The following TVP23C variants were observed in gnomAD, a reference collection of about 807,000 sequenced individuals.
TVP23C encodes Golgi apparatus membrane protein TVP23 homolog C.
TVP23C carries 19 observed loss-of-function variants against 28.7 expected under a neutral mutation model. The observed-to-expected ratio is 0.66, with a 90% CI of 0.46 to 0.97. The LOEUF (loss-of-function observed/expected upper bound fraction) is 0.97, where lower values mean the gene tolerates loss of function less well. Among genes scored for constraint, TVP23C ranks in the 50% least tolerant of loss-of-function variants. TVP23C has a pLI of 0.00. For synonymous variants in TVP23C, 68 were observed against 81.7 expected (o/e 0.83, Z 0.90); for missense variants, 186 against 241.3 (o/e 0.77, Z 1.52).
chr17:15,518,320 A>G (rs1982321805), intron 5 of TVP23C, among the ~76,000 whole-genome samples: 1 of 152,130 alleles, frequency 6.6e-6, no homozygotes, highest in South Asian at 2.1e-4. Flanking sequence ...TCTACCCTAT[A>G]TGGTTGCAAT....
intron 3 of TVP23C, among the ~76,000 whole-genome samples, chr17:15,552,031 A>C (rs1003980206): frequency 1.3e-5 from 2 of 149,598 alleles, no homozygotes; most frequent in African/African-American, 5.1e-5. Flanking sequence ...AAAAATAAAC[A>C]AACAAATAAA....
intron 5 of TVP23C, among the ~76,000 whole-genome samples, chr17:15,522,946 A>C (rs190081460): frequency 6.6e-6 from 1 of 152,268 alleles, no homozygotes; most frequent in Non-Finnish European, 1.5e-5. Context: ...GATTCCCTCT[A>C]AAAAGAACAA....
chr17:15,517,241 T>G (rs1982269049), intron 5 of TVP23C, among the ~76,000 whole-genome samples: 1 of 152,188 alleles, frequency 6.6e-6, no homozygotes, highest in Non-Finnish European at 1.5e-5. Context: ...TCCCACTCAA[T>G]TTCATAGCCC....
chr17:15,517,992 C>G (rs1234522217), intron 5 of TVP23C, among the ~76,000 whole-genome samples: 5 of 152,012 alleles, frequency 3.3e-5, no homozygotes, highest in Non-Finnish European at 2.9e-5. Flanking sequence ...CTGTGAAACC[C>G]TGTCTCTACT....
intron 3 of TVP23C, among the ~76,000 whole-genome samples, chr17:15,549,471 G>A (rs573502012): frequency 2.0e-5 from 3 of 152,190 alleles, no homozygotes; most frequent in Admixed American, 2.0e-4. Flanking sequence ...TGGCTCACTT[G>A]GGTTCAAGAC....
At chr17:15,555,510 T>C in intron 1 of TVP23C, 146 bp from the exon 2 acceptor site, 1 of 1,330,918 alleles carries the variant, frequency 7.5e-7, no homozygotes, top group Non-Finnish European at 1.0e-6. Flanking sequence ...AAAGGACACA[T>C]GCAGATCCTC....
chr17:15,519,347 CTG>C (rs2150834341), intron 5 of TVP23C, among the ~76,000 whole-genome samples: 1 of 152,202 alleles, frequency 6.6e-6, no homozygotes, highest in Admixed American at 6.5e-5. Flanking sequence ...TGGCTGCTGA[CTG>C]TAATCCCAGA....
At chr17:15,561,626 GAATGAATAAATA>G (rs1289446496) in intron 1 of TVP23C, among the ~76,000 whole-genome samples, 2,459 of 126,726 alleles carry the variant, frequency 0.019, 15 homozygotes, top group African/African-American at 0.065. Flanking sequence ...ATGAATGAAT[GAATGAATAAATA>G]AATAAATAAA....
chr17:15,547,261 A>C, intron 3 of TVP23C, 113 bp from the exon 4 acceptor site: 1 of 1,482,078 alleles, frequency 6.7e-7, no homozygotes, highest in East Asian at 2.3e-5. Context: ...CTTTACCTCC[A>C]TAATATCCAG....
chr17:15,541,034 G>A (rs940441209), intron 5 of TVP23C, among the ~76,000 whole-genome samples: 2 of 152,192 alleles, frequency 1.3e-5, no homozygotes, highest in African/African-American at 4.8e-5. Context: ...CTGGCTTCTG[G>A]TAGAGGGGAT....
chr17:15,502,704 G>GTTCT (rs1286180730), exon 6 of TVP23C: 1 of 1,194,232 alleles, frequency 8.4e-7, no homozygotes, highest in Non-Finnish European at 1.1e-6. Context: ...CTGTTCGTTC[G>GTTCT]TTCTTTCTCT....
At chr17:15,548,429 T>A (rs1264927553) in intron 3 of TVP23C, among the ~76,000 whole-genome samples, 2 of 152,222 alleles carry the variant, frequency 1.3e-5, no homozygotes, top group Non-Finnish European at 2.9e-5. Flanking sequence ...CCTCCCAAAG[T>A]GCTGGGATTA....
downstream of TVP23C, among the ~76,000 whole-genome samples, chr17:15,532,526 G>T (rs1299260293): frequency 6.6e-6 from 1 of 152,280 alleles, no homozygotes; most frequent in African/African-American, 2.4e-5. Context: ...GAAGAAAATG[G>T]GGACAGGACA....
At position 15,539,954 on chromosome 17, in the gene TVP23C, G is replaced by A. The variant is rs151068598; in HGVS notation, c.*458C>T. 244 of 473,668 alleles carry A rather than the reference G, an allele frequency of 5.2e-4. 2 individuals carry two copies. Among genetic ancestry groups the A allele is most frequent in the African/African-American group, 4.6e-3 (217 of 46,952 alleles). 29.3% of individuals were successfully genotyped at this position (473,668 alleles called of 1,614,324 possible). ...TGAAAATACAAAAAATTAGCTGGGC[G>A]TGGTGGCATGCGCCTGTAATCCCAG... On this transcript the variant is annotated 3_prime_UTR_variant, in exon 6 of 6. Coordinates refer to ENST00000518321, the MANE Select transcript of TVP23C (RefSeq NM_001135036.2).
intron 4 of TVP23C, among the ~76,000 whole-genome samples, chr17:15,546,387 G>T (rs1983648309): frequency 6.6e-6 from 1 of 152,034 alleles, no homozygotes; most frequent in Admixed American, 6.6e-5. Flanking sequence ...TTACAAGGGT[G>T]GTAAGTTGTT....
intron 5 of TVP23C, 68 bp from the exon 6 acceptor site, chr17:15,540,629 G>C: frequency 7.2e-7 from 1 of 1,389,252 alleles, no homozygotes; most frequent in Non-Finnish European, 9.9e-7. Context: ...TGCCATAAAT[G>C]AGACAAGGCA....
chr17:15,514,014 C>T (rs1982116218), intron 5 of TVP23C, among the ~76,000 whole-genome samples: 1 of 152,168 alleles, frequency 6.6e-6, no homozygotes, highest in South Asian at 2.1e-4. Context: ...ACCAGAAAAC[C>T]ACAGCATTGA....
chr17:15,540,648 T>C lies in TVP23C; in HGVS notation c.463-87A>G, dbSNP rs1983372623. On this transcript the variant is annotated intron_variant, in intron 5 of 5. Transcript: ENST00000518321. ...ATAAATGAGACAAGGCAGACTGTCA[T>C]GAGAAAGAGAAGGAAGAGGAAGCTC... is the stretch of plus-strand genomic sequence containing the variant. The C allele has an allele frequency of 1.0e-5, 8 of 803,692 alleles. No individual in the cohort carries two copies. The Admixed American group carries it at 1.3e-4, about 13-fold the overall frequency. The allele number at this position is 803,692 out of a possible 1,614,324, so 49.8% of individuals were successfully genotyped here.
At chr17:15,527,225 T>C (rs1982765936) in intron 5 of TVP23C, among the ~76,000 whole-genome samples, 1 of 152,218 alleles carries the variant, frequency 6.6e-6, no homozygotes. Context: ...TCTTCAGCCT[T>C]TTTCTGCCTG....
Sources: allele counts gnomAD v4.1 joint callset (sites outside exome capture counted in the v4.1 genomes callset), GRCh38; gene constraint gnomAD v4.1.1; transcripts MANE v1.5; gene names NCBI Gene and HGNC (gene_info 2026-07-23, HGNC 2026-07-21).